Variants in KIF16B observed in about 807,000 individuals in gnomAD.
KIF16B encodes kinesin family member 16B, also known as kinesin-like protein KIF16B.
A neutral mutation model predicts 156.3 loss-of-function variants in KIF16B; 98 were observed. The observed-to-expected ratio is 0.63, with a 90% CI of 0.53 to 0.74. The LOEUF (loss-of-function observed/expected upper bound fraction) is 0.74. KIF16B is among the 30% of genes least tolerant of loss of function. The pLI, the probability that KIF16B is intolerant of heterozygous loss-of-function variation, is 0.00. For synonymous variants in KIF16B, 564 were observed against 583.7 expected (o/e 0.97, Z 0.49); for missense variants, 1,421 against 1,606.5 (o/e 0.88, Z 1.97).
chr20:16,310,181 G>A (rs1016404129), intron 25 of KIF16B, among the ~76,000 whole-genome samples: 4 of 152,218 alleles, frequency 2.6e-5, no homozygotes, highest in African/African-American at 9.6e-5. Context: ...ATAAGGTGTG[G>A]AAGCTGTTCT....
At chr20:16,343,015 T>G (rs377686428) in intron 23 of KIF16B, among the ~76,000 whole-genome samples, 37 of 152,206 alleles carry the variant, frequency 2.4e-4, no homozygotes, top group African/African-American at 6.7e-4. Context: ...GGGCATGAAA[T>G]GGGGTGCTGA....
At chr20:16,390,156 G>C (rs1387385435) in intron 17 of KIF16B, among the ~76,000 whole-genome samples, 1 of 152,110 alleles carries the variant, frequency 6.6e-6, no homozygotes, top group Admixed American at 6.5e-5. Flanking sequence ...TCTGGGAATG[G>C]TTTTCTAATA....
chr20:16,328,049 C>T (rs937132202), intron 24 of KIF16B, among the ~76,000 whole-genome samples: 50 of 152,150 alleles, frequency 3.3e-4, no homozygotes, highest in Admixed American at 3.3e-3. Flanking sequence ...AAATTCTTTT[C>T]ATTTCTTTCT....
At chr20:16,471,548 A>G (rs1364372464) in intron 12 of KIF16B, among the ~76,000 whole-genome samples, 1 of 152,216 alleles carries the variant, frequency 6.6e-6, no homozygotes, top group Admixed American at 6.5e-5. Flanking sequence ...CCTCAAACAG[A>G]AACTCACTTC....
intron 12 of KIF16B, among the ~76,000 whole-genome samples, chr20:16,469,811 C>T (rs1204649642): frequency 2.6e-5 from 4 of 152,108 alleles, no homozygotes; most frequent in Admixed American, 6.5e-5. Flanking sequence ...AACCAGTAAT[C>T]ATACTGCTTG....
chr20:16,390,282 A>C (rs960187051), intron 17 of KIF16B, among the ~76,000 whole-genome samples: 2 of 152,206 alleles, frequency 1.3e-5, no homozygotes, highest in Admixed American at 1.3e-4. Context: ...GGTTTTTTAA[A>C]AAATAATAAA....
At chr20:16,556,994 T>C (rs1478815848) in intron 1 of KIF16B, among the ~76,000 whole-genome samples, 1 of 152,034 alleles carries the variant, frequency 6.6e-6, no homozygotes, top group African/African-American at 2.4e-5. Context: ...ACCTGATATG[T>C]GACTAATCCA....
At chr20:16,414,825 G>A (rs1323347082) in intron 15 of KIF16B, among the ~76,000 whole-genome samples, 1 of 152,050 alleles carries the variant, frequency 6.6e-6, no homozygotes, top group Non-Finnish European at 1.5e-5. Context: ...AACTTAAGAC[G>A]GTTCTACTTA....
At chr20:16,571,885 TC>T (rs979264269) in intron 1 of KIF16B, among the ~76,000 whole-genome samples, 1 of 152,100 alleles carries the variant, frequency 6.6e-6, no homozygotes, top group Admixed American at 6.5e-5. Flanking sequence ...CGCCTCGGCC[TC>T]CCAAAGTGGC....
At chr20:16,410,682 A>G (rs1568949972) in intron 15 of KIF16B, among the ~76,000 whole-genome samples, 1 of 152,118 alleles carries the variant, frequency 6.6e-6, no homozygotes, top group African/African-American at 2.4e-5. Flanking sequence ...GCAGTTGCTT[A>G]GCATCACCAT....
chr20:16,289,315 G>A (rs1164173675), intron 25 of KIF16B, among the ~76,000 whole-genome samples: 2 of 152,148 alleles, frequency 1.3e-5, no homozygotes, highest in Non-Finnish European at 2.9e-5. Flanking sequence ...ACCACCCAGA[G>A]TTGATACTGT....
intron 25 of KIF16B, among the ~76,000 whole-genome samples, chr20:16,293,562 G>C (rs1241410525): frequency 1.3e-5 from 2 of 152,126 alleles, no homozygotes; most frequent in Admixed American, 1.3e-4. Flanking sequence ...TAAAGTGAGG[G>C]AGTAAATCAA....
intron 1 of KIF16B, among the ~76,000 whole-genome samples, chr20:16,529,806 C>A (rs892916283): frequency 6.6e-6 from 1 of 152,154 alleles, no homozygotes; most frequent in African/African-American, 2.4e-5. Context: ...AGAAAATTAG[C>A]CGGCCATGGT....
In KIF16B at chr20:16,272,433, G is replaced by A. The variant is rs954781917; in HGVS notation, c.*820C>T. 1.3e-5 allele frequency: 2 copies of A among 152,524 alleles called. No individual in the cohort carries two copies. Among genetic ancestry groups the A allele is most frequent in the African/African-American group, 2.4e-5 (1 of 41,434 alleles). 9.4% of individuals were successfully genotyped at this position (152,524 alleles called of 1,614,324 possible). A position where few individuals can be genotyped will look rare whatever the true frequency, so the allele number is the denominator to read the frequency against. On this transcript the variant is annotated 3_prime_UTR_variant, in exon 26 of 26. Coordinates refer to ENST00000354981, the MANE Select transcript of KIF16B (RefSeq NM_024704.5). ...TCCAGCCAAAGATCCAATAGATTCT[G>A]TAACAAAAAATGTGAATAATACTTA...
chr20:16,379,114 G>A lies in KIF16B; in HGVS notation c.2888C>T (p.Ala963Val). 6.2e-7 allele frequency: 1 copy of A among 1,613,854 alleles called. No homozygotes were observed. The highest frequency in any genetic ancestry group is 8.5e-7 in the Non-Finnish European group (1 of 1,179,874). ...EEQLAQYQAN[A>V]NQLQKLQATF... ...GGCTTGGAGCTTTTGCAGCTGGTTTGCATTGGCCTGGTACTGTGCAAGCTG... is the reference window on the plus strand; with the variant it reads ...GGCTTGGAGCTTTTGCAGCTGGTTTACATTGGCCTGGTACTGTGCAAGCTG... Residue 963 changes from alanine (A) to valine (V), a missense_variant, in exon 19 of 26, where the codon GCA (alanine) becomes GTA (valine). Physicochemically the swap from Ala to Val is moderately conservative, Grantham distance 64. Coordinates refer to ENST00000354981, the MANE Select transcript of KIF16B (RefSeq NM_024704.5).
In KIF16B at chr20:16,552,017, G is replaced by A. The variant is rs2070687099; in HGVS notation, c.47+21212C>T. On this transcript the variant is annotated intron_variant, in intron 1 of 25. Coordinates refer to ENST00000354981, the MANE Select transcript of KIF16B (RefSeq NM_024704.5). ...CCAAGAGGGCTCATCTTGAGATAAC[G>A]TGATGACATCAAATGAGCAGTTCTA... Among the ~76,000 whole-genome samples the A allele has an allele frequency of 1.3e-5, 2 of 152,186 alleles. 1 individual carries two copies. Among genetic ancestry groups the A allele is most frequent in the South Asian group, 4.1e-4 (2 of 4,830 alleles).
At chr20:16,526,010 A>G in intron 3 of KIF16B, 82 bp downstream of exon 3, 2 of 756,696 alleles carry the variant, frequency 2.6e-6, no homozygotes, top group Admixed American at 2.6e-5. Flanking sequence ...AATTGGCAAG[A>G]TATTTTAAAG....
At chr20:16,277,339 T>C (rs1439074631) in intron 25 of KIF16B, among the ~76,000 whole-genome samples, 3 of 152,076 alleles carry the variant, frequency 2.0e-5, no homozygotes, top group Non-Finnish European at 4.4e-5. Flanking sequence ...TTCCCAATAT[T>C]ACTGGTGTCT....
rs372074577 is a variant in KIF16B, at chr20:16,399,883, C to T, written c.1784+4930G>A. Among the ~76,000 whole-genome samples, 10 of 152,330 alleles carry T rather than the reference C, an allele frequency of 6.6e-5. No homozygotes were observed. The East Asian group carries it at 1.4e-3, about 21-fold the overall frequency. ...CAAACCTCATGACTTCCTGCCCTGA[C>T]TGTCTCTGTAGCTCACCCTTCTAGG... is the stretch of plus-strand genomic sequence containing the variant. On this transcript the variant is annotated intron_variant, in intron 17 of 25. Transcript: ENST00000354981.
Sources: gnomAD v4.1 joint callset for allele counts (sites outside exome capture counted in the v4.1 genomes callset) on GRCh38, gnomAD v4.1.1 for gene constraint, MANE v1.5 for transcripts, NCBI Gene and HGNC (gene_info 2026-07-23, HGNC 2026-07-21) for gene names.